MYLK: variants seen among roughly 807,000 people sequenced by gnomAD.
The protein encoded by MYLK is myosin light chain kinase, smooth muscle.
MYLK carries 106 observed loss-of-function variants against 203.4 expected under a neutral mutation model. The ratio of observed to expected loss-of-function variants is 0.52; its 90% CI spans 0.45 to 0.61. The LOEUF (loss-of-function observed/expected upper bound fraction) is 0.61, where lower values mean the gene tolerates loss of function less well. MYLK is among the 20% of genes least tolerant of loss of function. The pLI is 0.00. For synonymous variants in MYLK, 867 were observed against 959.5 expected (o/e 0.90, Z 1.78); for missense variants, 2,072 against 2,442.3 (o/e 0.85, Z 3.20).
chr3:123,778,046 T>A lies in MYLK; in HGVS notation c.165+15631A>T, dbSNP rs144340502. On this transcript the variant is annotated intron_variant, in intron 4 of 33. Transcript: ENST00000360304. Reference sequence around the variant, plus strand: ...TATTATTTCCTACCCATATTTTCCCTTCTCTATTCTGACTCCACACCTCTA... The same window carrying A: ...TATTATTTCCTACCCATATTTTCCCATCTCTATTCTGACTCCACACCTCTA... 7.8e-3 allele frequency among the ~76,000 whole-genome samples: 1,186 copies of A among 152,284 alleles called. 15 individuals carry two copies. The highest frequency in any genetic ancestry group is 0.01 in the Non-Finnish European group (707 of 68,020).
chr3:123,679,047 G>A (rs960215753), intron 20 of MYLK, among the ~76,000 whole-genome samples: 2 of 152,136 alleles, frequency 1.3e-5, no homozygotes, highest in African/African-American at 2.4e-5. Context: ...GGTGGCTCAC[G>A]CCTGTAATCC....
intron 2 of MYLK, among the ~76,000 whole-genome samples, chr3:123,867,284 C>T (rs1031529053): frequency 1.3e-5 from 2 of 152,000 alleles, no homozygotes; most frequent in African/African-American, 2.4e-5. Flanking sequence ...GTGTGTCCCC[C>T]CAAAAATCTT....
At chr3:123,838,493 T>C (rs2066521633) in intron 2 of MYLK, among the ~76,000 whole-genome samples, 1 of 152,104 alleles carries the variant, frequency 6.6e-6, no homozygotes. Flanking sequence ...AAAATGAAGG[T>C]AAATATATAA....
chr3:123,692,617 G>T (rs962125660), intron 19 of MYLK, 118 bp downstream of exon 19: 3 of 902,992 alleles, frequency 3.3e-6, no homozygotes, highest in Non-Finnish European at 5.5e-6. Context: ...ATGCCTTTGG[G>T]TAGGGAGGGC....
chr3:123,678,428 G>A (rs770263418), intron 20 of MYLK, among the ~76,000 whole-genome samples: 1 of 152,024 alleles, frequency 6.6e-6, no homozygotes, highest in Admixed American at 6.6e-5. Flanking sequence ...CGGTTAACTT[G>A]TACTTCTGTC....
chr3:123,717,481 A>T (rs1459282507), intron 13 of MYLK, among the ~76,000 whole-genome samples: 1 of 152,212 alleles, frequency 6.6e-6, no homozygotes, highest in Non-Finnish European at 1.5e-5. Flanking sequence ...CAGGCCCACT[A>T]GGCCTTCAGT....
chr3:123,739,910 A>C (rs773791931), intron 6 of MYLK, 43 bp downstream of exon 6: 1 of 1,608,834 alleles, frequency 6.2e-7, no homozygotes, highest in South Asian at 1.1e-5. Flanking sequence ...GTCAGCAGGA[A>C]AGCAATCCAA....
Position 123,629,751 on chromosome 3 carries a change from C to T in MYLK, c.4962-125G>A, listed in dbSNP as rs1052799439. Reference sequence around the variant, plus strand: ...CACCCCCAAACTCATGCTCTGTGGGCCTTGCACCTGCCTTTCTTCCACTTG... The same window carrying T: ...CACCCCCAAACTCATGCTCTGTGGGTCTTGCACCTGCCTTTCTTCCACTTG... On this transcript the variant is annotated intron_variant, in intron 29 of 33. Transcript: ENST00000360304. This position sits in a 1 kb window ranked among gnomAD's most constrained non-coding sequence, Gnocchi z 4.4. 1.1e-6 allele frequency: 1 copy of T among 946,360 alleles called. No homozygotes were observed. The highest frequency in any genetic ancestry group is 1.6e-5 in the African/African-American group (1 of 61,344). The allele number at this position is 946,360 out of a possible 1,614,324, so 58.6% of individuals were successfully genotyped here. A position where few individuals can be genotyped will look rare whatever the true frequency, so the allele number is the denominator to read the frequency against.
intron 29 of MYLK, among the ~76,000 whole-genome samples, chr3:123,637,621 T>C (rs1354388045): frequency 6.6e-6 from 1 of 152,198 alleles, no homozygotes; most frequent in Non-Finnish European, 1.5e-5. Context: ...AAGATGAGGC[T>C]AGTAGTTGGG....
chr3:123,835,592 T>C (rs546722874), intron 2 of MYLK, among the ~76,000 whole-genome samples: 292 of 152,270 alleles, frequency 1.9e-3, no homozygotes, highest in Non-Finnish European at 3.4e-3. Context: ...GTTATATGGT[T>C]TGAAATTGTT....
In MYLK at chr3:123,702,655, G is replaced by C. The variant is rs186541686; in HGVS notation, c.2391-1146C>G. Among the ~76,000 whole-genome samples, 270 of 152,280 alleles carry C rather than the reference G, an allele frequency of 1.8e-3. 3 individuals are homozygous for C. The highest frequency in any genetic ancestry group is 6.3e-3 in the African/African-American group (263 of 41,550). On this transcript the variant is annotated intron_variant, in intron 16 of 33. Transcript: ENST00000360304. Reference sequence around the variant, plus strand: ...CTTAGAACAGCTCTGTGAGATTAGAGTCACCACTGTTTTTATAAGGTAAGA... The same window carrying C: ...CTTAGAACAGCTCTGTGAGATTAGACTCACCACTGTTTTTATAAGGTAAGA...
rs534995709 is a variant in MYLK, at chr3:123,695,272, CCTCTTCTGTG to C, written c.3449-2431_3449-2422del. 1.5e-4 allele frequency among the ~76,000 whole-genome samples: 23 copies of C among 152,348 alleles called. No individual in the cohort carries two copies. The South Asian group carries it at 4.6e-3, about 30-fold the overall frequency. ...CCCTAATCCCCCAGGCCTAGGCGGA[CCTCTTCTGTG>C]CTCCCAACTCTGAGCTCACCCATGT... On this transcript the variant is annotated intron_variant, in intron 18 of 33. Transcript: ENST00000360304.
intron 3 of MYLK, among the ~76,000 whole-genome samples, chr3:123,829,795 T>A (rs551395603): frequency 6.6e-6 from 1 of 152,350 alleles, no homozygotes; most frequent in South Asian, 2.1e-4. Context: ...CTGTATTACC[T>A]ATGAGTGTCC....
chr3:123,622,309 C>G (rs2057911165), intron 31 of MYLK: 1 of 152,264 alleles, frequency 6.6e-6, no homozygotes, highest in African/African-American at 2.4e-5. Context: ...GCTGGGAGAC[C>G]TTGTGCAAGT....
intron 21 of MYLK, chr3:123,666,922 C>G (rs2059753985): frequency 1.6e-6 from 1 of 611,708 alleles, no homozygotes; most frequent in African/African-American, 1.9e-5. Context: ...GATGGAAAGA[C>G]AAAGCTGTGG....
chr3:123,696,902 C>G (rs887395624), intron 18 of MYLK, among the ~76,000 whole-genome samples: 2 of 152,234 alleles, frequency 1.3e-5, no homozygotes, highest in Non-Finnish European at 2.9e-5. Context: ...GCCATGTCAT[C>G]CTCTCCAGCC....
intron 27 of MYLK, among the ~76,000 whole-genome samples, chr3:123,641,294 T>C (rs1363537567): frequency 1.3e-5 from 2 of 152,242 alleles, no homozygotes; most frequent in African/African-American, 2.4e-5. Flanking sequence ...CCCCACCGCC[T>C]GAGTTGCATG....
At chr3:123,788,467 C>T (rs575619754) in intron 4 of MYLK, among the ~76,000 whole-genome samples, 2 of 150,340 alleles carry the variant, frequency 1.3e-5, no homozygotes, top group East Asian at 3.9e-4. Context: ...TATACATGTG[C>T]CATGCTGGTG....
intron 2 of MYLK, among the ~76,000 whole-genome samples, chr3:123,842,048 A>G (rs2066603846): frequency 6.6e-6 from 1 of 152,158 alleles, no homozygotes; most frequent in Non-Finnish European, 1.5e-5. Context: ...TAAATGGACC[A>G]AATTCACCCA....
Sources: allele counts gnomAD v4.1 joint callset (sites outside exome capture counted in the v4.1 genomes callset), GRCh38; gene constraint gnomAD v4.1.1; non-coding constraint Gnocchi (gnomAD v3.1); transcripts MANE v1.5; gene names NCBI Gene and HGNC (gene_info 2026-07-23, HGNC 2026-07-21).